MBP: variants seen among roughly 807,000 people sequenced by gnomAD.
MBP encodes Golli-MBP.
A neutral mutation model predicts 35.8 loss-of-function variants in MBP; 16 were observed. The ratio of observed to expected loss-of-function variants is 0.45; its 90% CI spans 0.30 to 0.68. MBP has a LOEUF of 0.68. MBP is among the 30% of genes least tolerant of loss of function. MBP has a pLI of 0.08. For missense variants in MBP, 380 were observed against 404.7 expected (o/e 0.94, Z 0.52); for synonymous variants, 143 against 159.6 (o/e 0.90, Z 0.78).
chr18:77,001,220 C>T (rs1970615680), intron 4 of MBP, among the ~76,000 whole-genome samples: 1 of 152,162 alleles, frequency 6.6e-6, no homozygotes, highest in Non-Finnish European at 1.5e-5. Context: ...AAGCTCATCT[C>T]AGCCTCCAGG....
chr18:77,077,223 G>T (rs1245686335), intron 2 of MBP, among the ~76,000 whole-genome samples: 5 of 151,798 alleles, frequency 3.3e-5, no homozygotes, highest in Admixed American at 2.6e-4. Flanking sequence ...TTAGCTGGGC[G>T]TGGTGGTGGG....
chr18:77,040,668 C>A (rs1452177559), intron 3 of MBP, among the ~76,000 whole-genome samples: 7 of 152,144 alleles, frequency 4.6e-5, no homozygotes, highest in African/African-American at 1.4e-4. Flanking sequence ...CTGACAAAAA[C>A]AAGAAATGGG....
chr18:77,067,973 C>T (rs957510321), intron 2 of MBP: 9 of 397,554 alleles, frequency 2.3e-5, no homozygotes, highest in East Asian at 7.3e-5. Context: ...CCCTACACTC[C>T]GCCTCCTGGT....
rs1443745575 is a variant in MBP, at chr18:76,980,318, T to TA, written c.*108dup. On this transcript the variant is annotated 3_prime_UTR_variant, in exon 9 of 9. Coordinates refer to ENST00000355994, the MANE Select transcript of MBP (RefSeq NM_001025101.2). ...ACTACGTGCACAACTCCGCAGGCAT[T>TA]AGGGGAGGGGTCATCTGCTCTAATT... The TA allele has an allele frequency of 5.2e-5, 53 of 1,021,124 alleles. No homozygotes were observed. The Middle Eastern group carries it at 3.5e-3, about 67-fold the overall frequency. 63.3% of individuals were successfully genotyped at this position (1,021,124 alleles called of 1,614,324 possible).
chr18:76,987,540 CCCTGTTCTTTCTT>C lies in MBP; in HGVS notation c.750+942_750+954del, dbSNP rs957810641. 1.8e-5 allele frequency: 18 copies of C among 985,496 alleles called. No individual in the cohort carries two copies. The African/African-American group carries it at 2.1e-4, about 11-fold the overall frequency. The allele number at this position is 985,496 out of a possible 1,614,324, so 61.0% of individuals were successfully genotyped here. ...CTCTTCCCCACCTTCTGTTTTCTTT[CCCTGTTCTTTCTT>C]CCTGTTCTTTCTCCTTGTTGTTTTT... On this transcript the variant is annotated intron_variant, in intron 7 of 8. Transcript: ENST00000355994.
chr18:77,006,290 C>T (rs889655003), intron 4 of MBP: 4 of 152,368 alleles, frequency 2.6e-5, no homozygotes, highest in African/African-American at 9.6e-5. Context: ...GAGACAGTGG[C>T]TGCTGGAAGC....
intron 3 of MBP, among the ~76,000 whole-genome samples, chr18:77,042,347 CT>C (rs1323978537): frequency 3.9e-5 from 6 of 152,224 alleles, no homozygotes; most frequent in Non-Finnish European, 7.3e-5. Context: ...GGGCACCACG[CT>C]TTGAGCCCAT....
At chr18:76,987,993 T>C in intron 7 of MBP, 1 of 1,278,314 alleles carries the variant, frequency 7.8e-7, no homozygotes, top group Non-Finnish European at 1.0e-6. Flanking sequence ...AAAACAAAAA[T>C]CTTTGGATTA....
In MBP at chr18:77,004,573, G is replaced by A. The variant is rs544582714; in HGVS notation, c.576+12259C>T. ...AAAGCTGTGCACCATCCAGAATAGC[G>A]GGCTTTTCTCTATGTCTGAAAAAAT... is the stretch of plus-strand genomic sequence containing the variant. On this transcript the variant is annotated intron_variant, in intron 4 of 8. Coordinates refer to ENST00000355994, the MANE Select transcript of MBP (RefSeq NM_001025101.2). 8 of 152,252 alleles carry A rather than the reference G, an allele frequency of 5.3e-5. 2 individuals carry two copies. Among genetic ancestry groups the A allele is most frequent in the South Asian group, 2.1e-4 (1 of 4,818 alleles). 9.4% of individuals were successfully genotyped at this position (152,252 alleles called of 1,614,324 possible). A position where few individuals can be genotyped will look rare whatever the true frequency, so the allele number is the denominator to read the frequency against.
intron 1 of MBP, chr18:77,109,172 C>T (rs1976371150): frequency 6.6e-6 from 1 of 152,338 alleles, no homozygotes; most frequent in African/African-American, 2.4e-5. Flanking sequence ...AACATCGCTA[C>T]CTACTTACTA....
At chr18:76,994,399 A>G (rs547637120) in intron 4 of MBP, among the ~76,000 whole-genome samples, 16 of 152,362 alleles carry the variant, frequency 1.1e-4, no homozygotes, top group Admixed American at 3.9e-4. Context: ...AAGTTTCTAA[A>G]GAAAAAACTT....
At chr18:77,027,850 C>G (rs1271562213) in intron 3 of MBP, among the ~76,000 whole-genome samples, 1 of 152,064 alleles carries the variant, frequency 6.6e-6, no homozygotes, top group African/African-American at 2.4e-5. Flanking sequence ...ACCATCGCAG[C>G]CAATTTTTAA....
intron 1 of MBP, among the ~76,000 whole-genome samples, chr18:77,106,697 C>A (rs955234610): frequency 4.6e-5 from 7 of 152,202 alleles, no homozygotes; most frequent in Non-Finnish European, 5.9e-5. Context: ...GATATAAACA[C>A]AACCCACCTG....
chr18:76,998,644 C>A (rs1177309524), intron 4 of MBP, among the ~76,000 whole-genome samples: 1 of 152,144 alleles, frequency 6.6e-6, no homozygotes, highest in African/African-American at 2.4e-5. Flanking sequence ...CACGCGGCAT[C>A]GGGACATTGC....
intron 1 of MBP, among the ~76,000 whole-genome samples, chr18:77,116,060 A>G (rs1976650714): frequency 7.0e-6 from 1 of 142,614 alleles, no homozygotes; most frequent in Non-Finnish European, 1.6e-5. Flanking sequence ...CTAATCAAGG[A>G]AAATAAGGCA....
In MBP at chr18:76,994,025, C is replaced by T. The variant is rs891696434; in HGVS notation, c.577-3965G>A. Among the ~76,000 whole-genome samples the T allele has an allele frequency of 1.2e-4, 19 of 152,360 alleles. 1 individual carries two copies. The highest frequency in any genetic ancestry group is 1.1e-3 in the Admixed American group (17 of 15,304). On this transcript the variant is annotated intron_variant, in intron 4 of 8. Transcript: ENST00000355994. ...TAATATTTTATCGAATGCTTCTCTGCGTTCAGTGACCAGTTGTATTTAGTC... is the reference window on the plus strand; with the variant it reads ...TAATATTTTATCGAATGCTTCTCTGTGTTCAGTGACCAGTTGTATTTAGTC...
At chr18:76,983,757 C>A (rs1969356776) in intron 8 of MBP, 1 of 152,280 alleles carries the variant, frequency 6.6e-6, no homozygotes, top group Non-Finnish European at 1.5e-5. Flanking sequence ...AATCGAGGCT[C>A]ACGGCAGAGG....
intron 2 of MBP, among the ~76,000 whole-genome samples, chr18:77,073,906 ATC>A (rs1473675263): frequency 5.3e-5 from 8 of 152,186 alleles, no homozygotes; most frequent in Non-Finnish European, 8.8e-5. Flanking sequence ...TCACCATGAT[ATC>A]TGTTACTTTA....
rs1241830547 is a variant in MBP at position 77,077,634 on chromosome 18, G to A, written c.52-11249C>T. 2.0e-5 allele frequency among the ~76,000 whole-genome samples: 3 copies of A among 152,144 alleles called. No individual in the cohort carries two copies. In the East Asian group the frequency reaches 5.8e-4, roughly 29 times the overall value. The stretch of plus-strand genomic sequence containing the variant: ...GGATTTAAGTCCGTGACTCCTCGAT[G>A]CTGGGCCGGCCCGGGGCGGTGGCCT... On this transcript the variant is annotated intron_variant, in intron 2 of 8. Coordinates refer to ENST00000355994, the MANE Select transcript of MBP (RefSeq NM_001025101.2).
Sources: gnomAD v4.1 joint callset for allele counts (sites outside exome capture counted in the v4.1 genomes callset) on GRCh38, gnomAD v4.1.1 for gene constraint, MANE v1.5 for transcripts, NCBI Gene and HGNC (gene_info 2026-07-23, HGNC 2026-07-21) for gene names.